HIVEP3: variants seen among roughly 807,000 people sequenced by gnomAD.
HIVEP3 encodes HIVEP zinc finger 3.
HIVEP3 carries 49 observed loss-of-function variants against 152.8 expected under a neutral mutation model. The observed-to-expected ratio is 0.32, with a 90% CI of 0.26 to 0.41. The LOEUF (loss-of-function observed/expected upper bound fraction) is 0.41, where lower values mean the gene tolerates loss of function less well. Ranked by LOEUF, HIVEP3 falls within the 10% of genes least tolerant of loss-of-function variation. The pLI, the probability that HIVEP3 is intolerant of heterozygous loss-of-function variation, is 1.00. For synonymous variants in HIVEP3, 1,269 were observed against 1,289.0 expected (o/e 0.98, Z 0.33); for missense variants, 2,790 against 3,103.3 (o/e 0.90, Z 2.40).
At chr1:41,516,181 G>GGCGGCCCCTTCCCAGGACCCTTGCAGGA (rs11270500) in intron 7 of HIVEP3, among the ~76,000 whole-genome samples, 4 of 151,538 alleles carry the variant, frequency 2.6e-5, no homozygotes, top group African/African-American at 9.7e-5. Context: ...CCCCTGGCTG[G>GGCGGCCCCTTCCCAGGACCCTTGCAGGA]GCGGCCCCGC....
At chr1:41,825,986 G>A (rs568889852) in intron 1 of HIVEP3, among the ~76,000 whole-genome samples, 3 of 152,212 alleles carry the variant, frequency 2.0e-5, no homozygotes, top group African/African-American at 7.2e-5. Flanking sequence ...CCCCAAGAGA[G>A]TAATGAGTAA....
chr1:41,641,249 G>T (rs1326571439), intron 2 of HIVEP3, among the ~76,000 whole-genome samples: 1 of 152,238 alleles, frequency 6.6e-6, no homozygotes, highest in Non-Finnish European at 1.5e-5. Flanking sequence ...GTAGGACAGG[G>T]GCAGGGAGTA....
At chr1:41,707,325 A>G (rs942070827) in intron 1 of HIVEP3, among the ~76,000 whole-genome samples, 1 of 152,238 alleles carries the variant, frequency 6.6e-6, no homozygotes, top group Non-Finnish European at 1.5e-5. Flanking sequence ...TGTCCTCTAG[A>G]AACCAGAACT....
intron 2 of HIVEP3, among the ~76,000 whole-genome samples, chr1:41,676,433 G>A (rs889260960): frequency 7.9e-5 from 12 of 152,310 alleles, no homozygotes; most frequent in Non-Finnish European, 1.5e-4. Flanking sequence ...GGAGAAGGTG[G>A]AAGAACAGGG....
chr1:41,511,008 C>A lies in HIVEP3; in HGVS notation c.6664G>T (p.Val2222Phe), dbSNP rs144030867. ...TLLPGPTAAW[V>F]SGFSGGGSDL... ...CTGCCACCCCCGGAGAAGCCACTGACCCAGGCTGCGGTGGGCCCTGGCAGC... is the reference window on the plus strand; with the variant it reads ...CTGCCACCCCCGGAGAAGCCACTGAACCAGGCTGCGGTGGGCCCTGGCAGC... The change falls in exon 9 of 9, where the codon GTC (valine) becomes TTC (phenylalanine). Residue 2222 changes from valine to phenylalanine, a missense_variant. Transcript: ENST00000372583. This position sits in a 1 kb window ranked among gnomAD's most constrained non-coding sequence, Gnocchi z 4.9. 6.2e-7 allele frequency: 1 copy of A among 1,613,422 alleles called. No homozygotes were observed. Among genetic ancestry groups the A allele is most frequent in the African/African-American group, 1.3e-5 (1 of 74,924 alleles).
Position 41,583,578 on chromosome 1 carries a change from G to C in HIVEP3, c.1220C>G (p.Pro407Arg). 6.2e-7 allele frequency: 1 copy of C among 1,614,086 alleles called. No homozygotes were observed. The highest frequency in any genetic ancestry group is 8.5e-7 in the Non-Finnish European group (1 of 1,180,000). The stretch of plus-strand genomic sequence containing the variant: ...AGCGTAGGACTTGGCGTTGGTGTTT[G>C]GGGGGCTGACCTGCTGCTCTGCACT... ...SESAEQQVSP[P>R]NTNAKSYAEI... Residue 407 changes from proline (P) to arginine (R), a missense_variant, in exon 4 of 9, where the codon CCA becomes CGA. By Grantham distance (103) the Pro-to-Arg change is moderately radical. Around this residue, in one of 9 missense-constraint regions of HIVEP3, gnomAD observed 134 missense variants for 242.5 expected, o/e 0.55. Transcript: ENST00000372583. This position sits in a 1 kb window ranked among gnomAD's most constrained non-coding sequence, Gnocchi z 6.9.
intron 3 of HIVEP3, among the ~76,000 whole-genome samples, chr1:41,619,132 T>C (rs891832716): frequency 6.6e-6 from 1 of 152,048 alleles, no homozygotes; most frequent in Non-Finnish European, 1.5e-5. Context: ...CCTCTGCTCC[T>C]GTGCCCCCAC....
At chr1:41,925,282 T>A (rs925106301) in intron 1 of HIVEP3, among the ~76,000 whole-genome samples, 1 of 152,186 alleles carries the variant, frequency 6.6e-6, no homozygotes, top group Admixed American at 6.5e-5. Flanking sequence ...TGTATAACTT[T>A]TGACTCCCCC....
At chr1:41,982,195 C>A (rs1002186290) in intron 1 of HIVEP3, among the ~76,000 whole-genome samples, 15 of 152,202 alleles carry the variant, frequency 9.9e-5, no homozygotes, top group African/African-American at 2.9e-4. Context: ...CCATCATCCA[C>A]GTCAAAGGGG....
chr1:42,024,527 T>C (rs926781072), intron 1 of HIVEP3, among the ~76,000 whole-genome samples: 1 of 152,238 alleles, frequency 6.6e-6, no homozygotes, highest in African/African-American at 2.4e-5. Context: ...CCAGGTAATA[T>C]AAGGACCTTA....
intron 5 of HIVEP3, among the ~76,000 whole-genome samples, chr1:41,563,567 C>T (rs763200028): frequency 2.0e-5 from 3 of 151,968 alleles, no homozygotes; most frequent in Non-Finnish European, 2.9e-5. Context: ...GAAGACTCCC[C>T]GACGAAACAG....
At chr1:41,661,349 GCCA>G (rs1421200194) in intron 2 of HIVEP3, among the ~76,000 whole-genome samples, 4 of 152,202 alleles carry the variant, frequency 2.6e-5, no homozygotes, top group Non-Finnish European at 4.4e-5. Context: ...CTGTTTTGCA[GCCA>G]CCACCACTTC....
Position 41,692,688 on chromosome 1 carries a change from T to C in HIVEP3, c.-721+8228A>G, listed in dbSNP as rs143769845. Among the ~76,000 whole-genome samples, 924 of 152,346 alleles carry C rather than the reference T, an allele frequency of 6.1e-3. 13 individuals carry two copies. Among genetic ancestry groups the C allele is most frequent in the African/African-American group, 0.021 (891 of 41,572 alleles). ...AATCAGTGACATCTTTCTATATATATGGATGTACGCTTCTGTGCAATTTGG... is the reference window on the plus strand; with the variant it reads ...AATCAGTGACATCTTTCTATATATACGGATGTACGCTTCTGTGCAATTTGG... On this transcript the variant is annotated intron_variant, in intron 2 of 8. Transcript: ENST00000372583.
chr1:41,577,606 C>T (rs1644346071), intron 4 of HIVEP3, among the ~76,000 whole-genome samples: 1 of 152,188 alleles, frequency 6.6e-6, no homozygotes, highest in African/African-American at 2.4e-5. Context: ...CAAACAAAAA[C>T]ATCATGGGGT....
intron 1 of HIVEP3, among the ~76,000 whole-genome samples, chr1:41,843,266 T>C (rs1325948152): frequency 1.3e-5 from 2 of 152,214 alleles, no homozygotes; most frequent in Non-Finnish European, 2.9e-5. Context: ...ATATTCCAAA[T>C]ACAGTTTCTC....
chr1:41,512,687 C>A, intron 8 of HIVEP3, 129 bp downstream of exon 8: 1 of 775,562 alleles, frequency 1.3e-6, no homozygotes, highest in Non-Finnish European at 2.0e-6. Context: ...TAAATGTTTG[C>A]GAAATTATTA....
intron 2 of HIVEP3, among the ~76,000 whole-genome samples, chr1:41,689,167 C>A (rs1469245173): frequency 6.6e-6 from 1 of 152,144 alleles, no homozygotes; most frequent in African/African-American, 2.4e-5. Context: ...TTGATGTTTC[C>A]GTAGGTATTT....
intron 2 of HIVEP3, among the ~76,000 whole-genome samples, chr1:41,631,939 C>T (rs11805649): frequency 0.018 from 2,755 of 152,284 alleles, 91 homozygotes; most frequent in African/African-American, 0.062. Flanking sequence ...GCCTCTTCTG[C>T]ATGGGATGCT....
At chr1:41,776,178 A>G (rs1057132525) in intron 1 of HIVEP3, among the ~76,000 whole-genome samples, 2 of 152,280 alleles carry the variant, frequency 1.3e-5, no homozygotes, top group African/African-American at 4.8e-5. Flanking sequence ...CGTGCAGTCC[A>G]TAAAAGAAAA....
Sources: allele counts gnomAD v4.1 joint callset (sites outside exome capture counted in the v4.1 genomes callset), GRCh38; gene constraint gnomAD v4.1.1; regional missense constraint gnomAD v4.1.1; non-coding constraint Gnocchi (gnomAD v3.1); transcripts MANE v1.5; gene names NCBI Gene and HGNC (gene_info 2026-07-23, HGNC 2026-07-21).